Variants in ESS2 observed in about 807,000 individuals in gnomAD.
ESS2 encodes the protein ess-2 spliceosome associated protein.
ESS2 carries 31 observed loss-of-function variants against 52.0 expected under a neutral mutation model. That is an observed-to-expected ratio of 0.60 (90% CI 0.45 to 0.81). ESS2 has a LOEUF of 0.81. Among genes scored for constraint, ESS2 ranks in the 30% least tolerant of loss-of-function variants. The pLI is 0.00. For missense variants in ESS2, 602 were observed against 637.2 expected (o/e 0.94, Z 0.59); for synonymous variants, 285 against 259.2 (o/e 1.10, Z -0.95).
chr22:19,144,101 T>C (rs1048250554), intron 1 of ESS2: 53 of 1,011,760 alleles, frequency 5.2e-5, no homozygotes, highest in Non-Finnish European at 6.3e-5. Context: ...GTGCGTGTGG[T>C]GGGGCGACGC....
At position 19,134,428 on chromosome 22, in the gene ESS2, C is replaced by T. The variant is rs575074091; in HGVS notation, c.1199G>A (p.Arg400His). ...CTTGCTGGCCGTCCTGCTCACAAGGCGCTGTAGGGCTGGCGACATGGCTGG... is the reference window on the plus strand; with the variant it reads ...CTTGCTGGCCGTCCTGCTCACAAGGTGCTGTAGGGCTGGCGACATGGCTGG... ...LSPAMSPALQ[R>H]LVSRTASKYT... The change falls in exon 10 of 10, where the codon CGC becomes CAC. Residue 400 changes from arginine (R) to histidine (H), a missense_variant. Arg to His is a conservative substitution (Grantham distance 29, BLOSUM62 0). Transcript: ENST00000252137. 31 of 1,595,846 alleles carry T rather than the reference C, an allele frequency of 1.9e-5. No homozygotes were observed. Among genetic ancestry groups the T allele is most frequent in the African/African-American group, 1.9e-4 (14 of 74,382 alleles).
At position 19,137,462 on chromosome 22, in the gene ESS2, G is replaced by A. The variant is rs190384011; in HGVS notation, c.926-30C>T. 4 of 1,550,008 alleles carry A rather than the reference G, an allele frequency of 2.6e-6. No individual in the cohort carries two copies. The African/African-American group carries it at 5.4e-5, about 21-fold the overall frequency. On this transcript the variant is annotated intron_variant, in intron 7 of 9. Coordinates refer to ENST00000252137, the MANE Select transcript of ESS2 (RefSeq NM_022719.3). Reference sequence around the variant, plus strand: ...AGACAAAGAGCCCAAAACCACCTCAGGCCAGAGGACTCCCCACCACCCTCC... The same window carrying A: ...AGACAAAGAGCCCAAAACCACCTCAAGCCAGAGGACTCCCCACCACCCTCC...
intron 1 of ESS2, among the ~76,000 whole-genome samples, chr22:19,143,838 C>G (rs143708133): frequency 6.6e-6 from 1 of 152,176 alleles, no homozygotes; most frequent in Non-Finnish European, 1.5e-5. Context: ...CCAGCCTGGA[C>G]GACGAGCGAG....
rs1569113298 is a variant in ESS2, at chr22:19,142,622, C to T, written c.316G>A (p.Ala106Thr). The T allele has an allele frequency of 5.6e-6, 9 of 1,613,400 alleles. No individual in the cohort carries two copies. The highest frequency in any genetic ancestry group is 7.6e-6 in the Non-Finnish European group (9 of 1,179,716). The change falls in exon 3 of 10, where the codon GCC becomes ACC. Residue 106 changes from alanine to threonine, a missense_variant. Coordinates refer to ENST00000252137, the MANE Select transcript of ESS2 (RefSeq NM_022719.3). Reference sequence around the variant, plus strand: ...TGCACCTCAGGGGTTTCAAATGTGGCTGGAGTCACATCTAGGGGAAGAGAG... The same window carrying T: ...TGCACCTCAGGGGTTTCAAATGTGGTTGGAGTCACATCTAGGGGAAGAGAG... ...REPPPPYVTP[A>T]TFETPEVHAG...
In ESS2 at chr22:19,131,245, C is replaced by G. The variant is rs186955431; in HGVS notation, c.*2951G>C. 7 of 640,560 alleles carry G rather than the reference C, an allele frequency of 1.1e-5. No homozygotes were observed. The African/African-American group carries it at 1.3e-4, about 12-fold the overall frequency. The allele number at this position is 640,560 out of a possible 1,614,324, so 39.7% of individuals were successfully genotyped here. A position where few individuals can be genotyped will look rare whatever the true frequency, so the allele number is the denominator to read the frequency against. ...GCTTTATGAGTTCATTGGCTGAAGTCACCCGGAGACAATGCTGAGTGTTCC... is the reference window on the plus strand; with the variant it reads ...GCTTTATGAGTTCATTGGCTGAAGTGACCCGGAGACAATGCTGAGTGTTCC... On this transcript the variant is annotated 3_prime_UTR_variant, in exon 10 of 10. Transcript: ENST00000252137. The surrounding 1 kb of genome is among the most constrained non-coding windows in gnomAD (Gnocchi z 5.7).
chr22:19,143,980 C>T (rs1031827454), intron 1 of ESS2: 6 of 967,716 alleles, frequency 6.2e-6, no homozygotes, highest in Non-Finnish European at 7.4e-6. Flanking sequence ...ATCTGGGCAC[C>T]CAACCGTCCG....
intron 3 of ESS2, among the ~76,000 whole-genome samples, chr22:19,141,651 A>C (rs922242836): frequency 2.0e-5 from 3 of 152,200 alleles, no homozygotes; most frequent in Non-Finnish European, 4.4e-5. Context: ...TGTGCAAGGG[A>C]TGCCAATTAG....
At position 19,134,308 on chromosome 22, in the gene ESS2, C is replaced by G; in HGVS notation, c.1319G>C (p.Ser440Thr). Reference protein sequence around the residue: ...TPASGLQTPTSTPAPGSATRT... With the variant: ...TPASGLQTPTTTPAPGSATRT... ...TGTGGCAGAGCCAGGCGCCGGTGTG[C>G]TTGTGGGGGTCTGCAGCCCACTGGC... The change falls in exon 10 of 10, where the codon AGC becomes ACC. Residue 440 changes from serine (S) to threonine (T), a missense_variant. Coordinates refer to ENST00000252137, the MANE Select transcript of ESS2 (RefSeq NM_022719.3). 6.2e-7 allele frequency: 1 copy of G among 1,607,924 alleles called. No homozygotes were observed. The highest frequency in any genetic ancestry group is 8.5e-7 in the Non-Finnish European group (1 of 1,176,894).
chr22:19,141,476 C>A (rs1198953233), intron 3 of ESS2, among the ~76,000 whole-genome samples: 3 of 152,186 alleles, frequency 2.0e-5, no homozygotes, highest in Admixed American at 2.0e-4. Flanking sequence ...CCGACTCCCC[C>A]ATCAAGTCAC....
At position 19,138,228 on chromosome 22, in the gene ESS2, A is replaced by G. The variant is rs778703197; in HGVS notation, c.912T>C (p.Pro304=). ...CACTTTTCTCACCAGGGGCAGGGGA[A>G]GGAGTGGCAACAAATCCAAATCCAC... ...RVGGFGFVAT[P]SPAPGVNESP... is the part of the protein sequence containing the mutation. Residue 304 remains proline, a synonymous_variant, in exon 7 of 10, where the codon CCT becomes CCC. Transcript: ENST00000252137. 6.2e-7 allele frequency: 1 copy of G among 1,614,066 alleles called. No homozygotes were observed. The highest frequency in any genetic ancestry group is 1.1e-5 in the South Asian group (1 of 91,090).
intron 1 of ESS2, 79 bp from the exon 2 acceptor site, chr22:19,142,973 A>G: frequency 7.1e-7 from 1 of 1,402,812 alleles, no homozygotes; most frequent in Non-Finnish European, 9.7e-7. Context: ...TTGGGAGGCC[A>G]AGGGAGGTGG....
At position 19,131,855 on chromosome 22, in the gene ESS2, G is replaced by A. The variant is rs376174754; in HGVS notation, c.*2341C>T. On this transcript the variant is annotated 3_prime_UTR_variant, in exon 10 of 10. Transcript: ENST00000252137. The surrounding 1 kb of genome is among the most constrained non-coding windows in gnomAD (Gnocchi z 5.7). ...TCGACAAGGACTTCAACATCAAGCT[G>A]TCTGACTTTGGCTTCTCCAAGCGCT... The A allele has an allele frequency of 3.3e-5, 53 of 1,614,176 alleles. No individual in the cohort carries two copies. Among genetic ancestry groups the A allele is most frequent in the East Asian group, 1.6e-4 (7 of 44,886 alleles).
chr22:19,135,878 A>G (rs781243774), intron 8 of ESS2, among the ~76,000 whole-genome samples: 6 of 151,642 alleles, frequency 4.0e-5, no homozygotes, highest in Non-Finnish European at 8.8e-5. Flanking sequence ...CACACACACA[A>G]AATTAGCTGG....
rs1304277180 is a variant in ESS2 at position 19,131,643 on chromosome 22, T to C, written c.*2553A>G. ...CAAGACTTACGAGATCTTTGAGACC[T>C]CTGACGGACGGATCTACATCATCAT... On this transcript the variant is annotated 3_prime_UTR_variant, in exon 10 of 10. Transcript: ENST00000252137. This position sits in a 1 kb window ranked among gnomAD's most constrained non-coding sequence, Gnocchi z 5.7. The C allele has an allele frequency of 2.6e-5, 42 of 1,613,906 alleles. No individual in the cohort carries two copies. The highest frequency in any genetic ancestry group is 3.4e-5 in the Non-Finnish European group (40 of 1,180,024).
Position 19,142,774 on chromosome 22 carries a change from T to C in ESS2, c.256A>G (p.Lys86Glu). ...DLERMRQIAI[K>E]FGSALGKMSR... ...ATCTTGCCCAAGGCAGAGCCAAACTTGATGGCAATCTGGCGCATCCGTTCC... is the reference window on the plus strand; with the variant it reads ...ATCTTGCCCAAGGCAGAGCCAAACTCGATGGCAATCTGGCGCATCCGTTCC... The change falls in exon 2 of 10, where the codon AAG (lysine) becomes GAG (glutamate). Residue 86 changes from lysine (K) to glutamate (E), a missense_variant. Lys to Glu is a moderately conservative substitution (Grantham distance 56). Coordinates refer to ENST00000252137, the MANE Select transcript of ESS2 (RefSeq NM_022719.3). 6.2e-7 allele frequency: 1 copy of C among 1,614,162 alleles called. No individual in the cohort carries two copies. Among genetic ancestry groups the C allele is most frequent in the Non-Finnish European group, 8.5e-7 (1 of 1,180,036 alleles).
Position 19,144,560 on chromosome 22 carries a change from C to T in ESS2, c.81G>A (p.Glu27=). Residue 27 remains glutamate (E), a synonymous_variant, in exon 1 of 10, where the codon GAG becomes GAA. Coordinates refer to ENST00000252137, the MANE Select transcript of ESS2 (RefSeq NM_022719.3). ...GCTGCTTGCTCGTCGCAGCCCCAGC[C>T]TCTCCCGCCTCGCGCTTCCTCGGGG... ...SRPPRKREAG[E]AGAATSKQRV... 6 of 1,608,010 alleles carry T rather than the reference C, an allele frequency of 3.7e-6. No individual in the cohort carries two copies. Among genetic ancestry groups the T allele is most frequent in the Non-Finnish European group, 5.1e-6 (6 of 1,176,832 alleles).
In ESS2 at chr22:19,144,501, C is replaced by A. The variant is rs1458223223; in HGVS notation, c.135+5G>T. On this transcript the variant is annotated splice_donor_5th_base_variant and intron_variant, in intron 1 of 9. Transcript: ENST00000252137. The stretch of plus-strand genomic sequence containing the variant: ...AAGTCGCCGGCGTCCGCACCGAGGT[C>A]GTACCTCGATATACTCTTCCTCGTC... 6.2e-7 allele frequency: 1 copy of A among 1,611,216 alleles called. No individual in the cohort carries two copies. Among genetic ancestry groups the A allele is most frequent in the Non-Finnish European group, 8.5e-7 (1 of 1,179,160 alleles).
Position 19,131,196 on chromosome 22 carries a change from C to T in ESS2, c.*3000G>A. ...TTCCAGAGACCCTGTTCTCCCTCAG[C>T]CCAGTCCCCGCCCCCACTCCTTGGC... On this transcript the variant is annotated 3_prime_UTR_variant, in exon 10 of 10. Transcript: ENST00000252137. This position sits in a 1 kb window ranked among gnomAD's most constrained non-coding sequence, Gnocchi z 5.7. 1.7e-6 allele frequency: 1 copy of T among 573,840 alleles called. No homozygotes were observed. Among genetic ancestry groups the T allele is most frequent in the Non-Finnish European group, 3.1e-6 (1 of 323,410 alleles). 35.5% of individuals were successfully genotyped at this position (573,840 alleles called of 1,614,324 possible).
At chr22:19,134,599 T>C (rs2146089717) in intron 9 of ESS2, 124 bp from the exon 10 acceptor site, 1 of 1,079,674 alleles carries the variant, frequency 9.3e-7, no homozygotes, top group Non-Finnish European at 1.3e-6. Context: ...CTGAGGAGGA[T>C]GGTACTGCCA....
Sources: gnomAD v4.1 joint callset for allele counts (sites outside exome capture counted in the v4.1 genomes callset) on GRCh38, gnomAD v4.1.1 for gene constraint, Gnocchi (gnomAD v3.1) non-coding constraint, MANE v1.5 for transcripts, NCBI Gene and HGNC (gene_info 2026-07-23, HGNC 2026-07-21) for gene names.